KRT6C: variants seen among roughly 807,000 people sequenced by gnomAD.
KRT6C encodes keratin, type II cytoskeletal 6C.
A neutral mutation model predicts 49.4 loss-of-function variants in KRT6C; 46 were observed. The observed-to-expected ratio is 0.93, with a 90% CI of 0.74 to 1.19. The LOEUF is 1.19. KRT6C is among the 50% of genes most tolerant of loss of function. The pLI is 0.00. For synonymous variants in KRT6C, 236 were observed against 297.1 expected, an observed-to-expected ratio of 0.79 and a Z score of 2.12; for missense variants, 552 against 737.5, an observed-to-expected ratio of 0.75 and a Z score of 2.91.
Position 52,473,799 on chromosome 12 carries a change from G to A in KRT6C, c.-62C>T. The A allele has an allele frequency of 2.5e-6, 4 of 1,612,036 alleles. No homozygotes were observed. The highest frequency in any genetic ancestry group is 3.4e-6 in the Non-Finnish European group (4 of 1,179,138). On this transcript the variant is annotated 5_prime_UTR_variant, in exon 1 of 9. Coordinates refer to ENST00000252250, the MANE Select transcript of KRT6C (RefSeq NM_173086.5). ...AGGCTGGAGGCGAGAGGCAGGAGAA[G>A]CAGGACAAGGAATCGGGCTCCAGCA...
At position 52,470,546 on chromosome 12, in the gene KRT6C, T is replaced by A. The variant is rs778699018; in HGVS notation, c.1162A>T (p.Ile388Phe). 1.2e-6 allele frequency: 2 copies of A among 1,614,144 alleles called. No homozygotes were observed. The highest frequency in any genetic ancestry group is 4.5e-5 in the East Asian group (2 of 44,872). The stretch of plus-strand genomic sequence containing the variant: ...TCGATCTCAGATCTCAGCCTCTGGA[T>A]CATGCGGTTGATCTCAGCAATCTCC... ...KQEIAEINRM[I>F]QRLRSEIDHV... The change falls in exon 6 of 9, where the codon ATC becomes TTC. Residue 388 changes from isoleucine to phenylalanine, a missense_variant. Physicochemically the swap from Ile to Phe is conservative, Grantham distance 21 (BLOSUM62 0). Transcript: ENST00000252250.
At position 52,468,993 on chromosome 12, in the gene KRT6C, C is replaced by A; in HGVS notation, c.*69G>T. 2 of 1,607,058 alleles carry A rather than the reference C, an allele frequency of 1.2e-6. No homozygotes were observed. The highest frequency in any genetic ancestry group is 1.3e-5 in the African/African-American group (1 of 74,844). On this transcript the variant is annotated 3_prime_UTR_variant, in exon 9 of 9. Coordinates refer to ENST00000252250, the MANE Select transcript of KRT6C (RefSeq NM_173086.5). ...CTAGAGGCCAGGAGAGGATAGGCAA[C>A]CTGAGGAGACGGCTCTGCAGCCAGA...
In KRT6C at chr12:52,469,044, A is replaced by C. The variant is rs777930324; in HGVS notation, c.*18T>G. ...GAAGGGCCTGAGGACTGTGGGACCGAGAGCTGGAGGCAGCACTTTAGTGCT... is the reference window on the plus strand; with the variant it reads ...GAAGGGCCTGAGGACTGTGGGACCGCGAGCTGGAGGCAGCACTTTAGTGCT... On this transcript the variant is annotated 3_prime_UTR_variant, in exon 9 of 9. Coordinates refer to ENST00000252250, the MANE Select transcript of KRT6C (RefSeq NM_173086.5). The C allele has an allele frequency of 2.5e-6, 4 of 1,614,132 alleles. No homozygotes were observed. Among genetic ancestry groups the C allele is most frequent in the Non-Finnish European group, 3.4e-6 (4 of 1,180,012 alleles).
chr12:52,471,034 A>G, intron 5 of KRT6C, 98 bp downstream of exon 5: 4 of 1,595,494 alleles, frequency 2.5e-6, no homozygotes, highest in Non-Finnish European at 3.4e-6. Context: ...AGAGGACCCC[A>G]GCTTCCTGTC....
At position 52,471,315 on chromosome 12, in the gene KRT6C, TAAGATC is replaced by T. The variant is rs755469421; in HGVS notation, c.913-25_913-20del. The stretch of plus-strand genomic sequence containing the variant: ...ACAGCTCCTGCAGAACAGAAGGTCA[TAAGATC>T]AACTTCACATCTGACATTTACAGAG... On this transcript the variant is annotated intron_variant, in intron 4 of 8. Coordinates refer to ENST00000252250, the MANE Select transcript of KRT6C (RefSeq NM_173086.5). 6.2e-7 allele frequency: 1 copy of T among 1,614,090 alleles called. No homozygotes were observed. The highest frequency in any genetic ancestry group is 8.5e-7 in the Non-Finnish European group (1 of 1,180,042).
chr12:52,470,264 G>C (rs1247672687), intron 6 of KRT6C: 14 of 643,834 alleles, frequency 2.2e-5, no homozygotes, highest in African/African-American at 5.4e-5. Flanking sequence ...ATGACCATCT[G>C]TAGGGGAGGT....
rs201509598 is a variant in KRT6C at position 52,473,243 on chromosome 12, C to T, written c.495G>A (p.Glu165=). The T allele has an allele frequency of 4.5e-5, 71 of 1,576,652 alleles. No individual in the cohort carries two copies. The highest frequency in any genetic ancestry group is 1.2e-4 in the African/African-American group (9 of 73,070). ...AIQRVRAEER[E]QIKTLNNKFA... The stretch of plus-strand genomic sequence containing the variant: ...ACTTGTTGTTGAGGGTCTTGATCTG[C>T]TCACGCTCCTCGGCCCGCACCCGCT... Residue 165 remains glutamate (E), a synonymous_variant, in exon 1 of 9, where the codon GAG becomes GAA. Coordinates refer to ENST00000252250, the MANE Select transcript of KRT6C (RefSeq NM_173086.5).
chr12:52,473,115 C>T lies in KRT6C; in HGVS notation c.540+83G>A. ...GGGCTGAATCCCCTTCTCCCTCCCT[C>T]CTAGGTCTCCCTAGCAGGAAGGTGT... On this transcript the variant is annotated intron_variant, in intron 1 of 8. Transcript: ENST00000252250. 3 of 1,375,180 alleles carry T rather than the reference C, an allele frequency of 2.2e-6. 1 individual carries two copies. Among genetic ancestry groups the T allele is most frequent in the South Asian group, 1.2e-5 (1 of 85,450 alleles). 85.2% of individuals were successfully genotyped at this position (1,375,180 alleles called of 1,614,324 possible).
Position 52,469,739 on chromosome 12 carries a change from A to T in KRT6C, c.1355T>A (p.Met452Lys), listed in dbSNP as rs1292627189. 1 of 1,613,942 alleles carries T rather than the reference A, an allele frequency of 6.2e-7. No individual in the cohort carries two copies. Among genetic ancestry groups the T allele is most frequent in the Non-Finnish European group, 8.5e-7 (1 of 1,180,004 alleles). The change falls in exon 7 of 9, where the codon ATG becomes AAG. Residue 452 changes from methionine to lysine, a missense_variant. By Grantham distance (95) the Met-to-Lys change is moderately conservative. Coordinates refer to ENST00000252250, the MANE Select transcript of KRT6C (RefSeq NM_173086.5). ...CACATCCAGGGCCAGCTTGACATTC[A>T]TCAGCTCCTGGTACTCCTTCAGCAG... ...ARLLKEYQELMNVKLALDVEI... is the reference protein window; with the variant it reads ...ARLLKEYQELKNVKLALDVEI...
chr12:52,468,920 AG>A lies in KRT6C; in HGVS notation c.*141del. On this transcript the variant is annotated 3_prime_UTR_variant, in exon 9 of 9. Coordinates refer to ENST00000252250, the MANE Select transcript of KRT6C (RefSeq NM_173086.5). The stretch of plus-strand genomic sequence containing the variant: ...GGGCAGGTATAGACAGAGAGAAGTG[AG>A]GGCACTAAGCATCCATACCCAGCTC... The A allele has an allele frequency of 1.2e-5, 12 of 988,346 alleles. No individual in the cohort carries two copies. Among genetic ancestry groups the A allele is most frequent in the Non-Finnish European group, 1.8e-5 (12 of 659,862 alleles). 61.2% of individuals were successfully genotyped at this position (988,346 alleles called of 1,614,324 possible).
chr12:52,471,698 C>T lies in KRT6C; in HGVS notation c.790G>A (p.Glu264Lys). The T allele has an allele frequency of 1.9e-6, 3 of 1,613,592 alleles. No individual in the cohort carries two copies. Among genetic ancestry groups the T allele is most frequent in the Non-Finnish European group, 2.5e-6 (3 of 1,179,798 alleles). ...TTCTTCAGAGTCACAAATTCATTCTCTGCTGCTGTGCGCTTGTTGATTTCA... is the reference window on the plus strand; with the variant it reads ...TTCTTCAGAGTCACAAATTCATTCTTTGCTGCTGTGCGCTTGTTGATTTCA... ...EDEINKRTAA[E>K]NEFVTLKKDV... The change falls in exon 3 of 9, where the codon GAG becomes AAG. Residue 264 changes from glutamate (E) to lysine (K), a missense_variant. This residue lies in a region of KRT6C where 425 missense variants were observed against 439.4 expected (regional missense o/e 0.97). Transcript: ENST00000252250.
At position 52,468,656 on chromosome 12, in the gene KRT6C, T is replaced by C. The variant is rs1358599126; in HGVS notation, c.*406A>G. Reference sequence around the variant, plus strand: ...GCGGGGCGGGGGTTCACAATACTTTTAACTTAGGGAGTTTGGGGGCCAATG... The same window carrying C: ...GCGGGGCGGGGGTTCACAATACTTTCAACTTAGGGAGTTTGGGGGCCAATG... On this transcript the variant is annotated 3_prime_UTR_variant, in exon 9 of 9. Coordinates refer to ENST00000252250, the MANE Select transcript of KRT6C (RefSeq NM_173086.5). 7.6e-6 allele frequency: 2 copies of C among 262,554 alleles called. No individual in the cohort carries two copies. Among genetic ancestry groups the C allele is most frequent in the Non-Finnish European group, 1.5e-5 (2 of 136,334 alleles). The allele number at this position is 262,554 out of a possible 1,614,324, so 16.3% of individuals were successfully genotyped here.
At position 52,471,151 on chromosome 12, in the gene KRT6C, T is replaced by C. The variant is rs763387071; in HGVS notation, c.1058A>G (p.Glu353Gly). ...EIAQRSRAEAESWYQTKYEEL... is the reference protein window; with the variant it reads ...EIAQRSRAEAGSWYQTKYEEL... ...GCTCACCTTGGTCTGGTACCAGGAC[T>C]CAGCCTCAGCCCGGCTCCTCTGAGC... Residue 353 changes from glutamate (E) to glycine (G), a missense_variant, in exon 5 of 9, where the codon GAG (glutamate) becomes GGG (glycine). Coordinates refer to ENST00000252250, the MANE Select transcript of KRT6C (RefSeq NM_173086.5). The C allele has an allele frequency of 2.5e-6, 4 of 1,614,206 alleles. No homozygotes were observed. The highest frequency in any genetic ancestry group is 2.5e-6 in the Non-Finnish European group (3 of 1,180,036).
At chr12:52,470,706 A>T in intron 5 of KRT6C, 76 bp from the exon 6 acceptor site, 1 of 1,612,294 alleles carries the variant, frequency 6.2e-7, no homozygotes, top group South Asian at 1.1e-5. Flanking sequence ...CTTGTGTATC[A>T]TGCATGTCAT....
chr12:52,469,289 G>A lies in KRT6C; in HGVS notation c.1468C>T (p.Gln490Ter). ...GVGQVNVSVV[Q>*]STISSGYGGA... is the part of the protein sequence containing the mutation. ...CCATAGCCACTGGAGATGGTGGACT[G>A]TACTACAGCTGTGGTGGGGAGGGGA... is the stretch of plus-strand genomic sequence containing the variant. Residue 490 changes from glutamine to a stop codon, truncating the protein, a stop_gained, in exon 9 of 9, where the codon CAG becomes TAG. Transcript: ENST00000252250. LOFTEE classifies it high-confidence loss of function. The A allele has an allele frequency of 1.2e-6, 2 of 1,613,994 alleles. No individual in the cohort carries two copies. The highest frequency in any genetic ancestry group is 1.7e-6 in the Non-Finnish European group (2 of 1,179,862).
chr12:52,469,808 C>T lies in KRT6C; in HGVS notation c.1286G>A (p.Gly429Glu). 1 of 1,614,142 alleles carries T rather than the reference C, an allele frequency of 6.2e-7. No homozygotes were observed. Among genetic ancestry groups the T allele is most frequent in the Admixed American group, 1.7e-5 (1 of 60,018 alleles). ...GGCCTTCTGCAGGGCATCCTCCAGC[C>T]CTTCCAGCTTGTTCTTAGCATCCTT... ...ALKDAKNKLEGLEDALQKAKQ... is the reference protein window; with the variant it reads ...ALKDAKNKLEELEDALQKAKQ... The change falls in exon 7 of 9, where the codon GGG (glycine) becomes GAG (glutamate). Residue 429 changes from glycine to glutamate, a missense_variant. Physicochemically the swap from Gly to Glu is moderately conservative, Grantham distance 98. Coordinates refer to ENST00000252250, the MANE Select transcript of KRT6C (RefSeq NM_173086.5).
chr12:52,471,483 G>T lies in KRT6C; in HGVS notation c.850C>A (p.Leu284Met). ...VDAAYMNKVE[L>M]QAKADTLTDE... is the part of the protein sequence containing the mutation. Reference sequence around the variant, plus strand: ...GTGAGAGTGTCTGCCTTGGCTTGCAGTTCAACCTTGTTCATGTAGGCAGCA... The same window carrying T: ...GTGAGAGTGTCTGCCTTGGCTTGCATTTCAACCTTGTTCATGTAGGCAGCA... Residue 284 changes from leucine to methionine, a missense_variant, in exon 4 of 9, where the codon CTG becomes ATG. Physicochemically the swap from Leu to Met is conservative, Grantham distance 15 (BLOSUM62 2). This residue lies in a region of KRT6C where 425 missense variants were observed against 439.4 expected (regional missense o/e 0.97). Coordinates refer to ENST00000252250, the MANE Select transcript of KRT6C (RefSeq NM_173086.5). The T allele has an allele frequency of 6.2e-7, 1 of 1,613,804 alleles. No individual in the cohort carries two copies. Among genetic ancestry groups the T allele is most frequent in the Non-Finnish European group, 8.5e-7 (1 of 1,179,870 alleles).
Position 52,473,130 on chromosome 12 carries a change from C to T in KRT6C, c.540+68G>A. 6 of 1,385,754 alleles carry T rather than the reference C, an allele frequency of 4.3e-6. 2 individuals are homozygous for T. The highest frequency in any genetic ancestry group is 2.3e-5 in the South Asian group (2 of 85,604). The allele number at this position is 1,385,754 out of a possible 1,614,324, so 85.8% of individuals were successfully genotyped here. A position where few individuals can be genotyped will look rare whatever the true frequency, so the allele number is the denominator to read the frequency against. On this transcript the variant is annotated intron_variant, in intron 1 of 8. Coordinates refer to ENST00000252250, the MANE Select transcript of KRT6C (RefSeq NM_173086.5). ...CTCCCTCCCTCCTAGGTCTCCCTAG[C>T]AGGAAGGTGTTGCTCTTCTGGTCTG...
chr12:52,470,338 G>T (rs1287488356), intron 6 of KRT6C, 167 bp downstream of exon 6: 1 of 1,246,716 alleles, frequency 8.0e-7, no homozygotes, highest in Non-Finnish European at 1.1e-6. Flanking sequence ...CATCCTCTTG[G>T]GTGGGATTCA....
Sources: allele counts gnomAD v4.1 joint callset, GRCh38; gene constraint gnomAD v4.1.1; regional missense constraint gnomAD v4.1.1; transcripts MANE v1.5; gene names NCBI Gene and HGNC (gene_info 2026-07-23, HGNC 2026-07-21).